CC2D1A: variants seen among roughly 807,000 people sequenced by gnomAD.
The protein encoded by CC2D1A is coiled-coil and C2 domain-containing protein 1A.
CC2D1A carries 68 observed loss-of-function variants against 123.8 expected under a neutral mutation model. The observed-to-expected ratio is 0.55, with a 90% CI of 0.45 to 0.67. CC2D1A has a LOEUF of 0.67. Ranked by LOEUF, CC2D1A falls within the 30% of genes least tolerant of loss-of-function variation. CC2D1A has a pLI of 0.00. For synonymous variants in CC2D1A, 477 were observed against 528.0 expected (o/e 0.90, Z 1.32); for missense variants, 1,185 against 1,290.3 (o/e 0.92, Z 1.25).
At position 13,906,792 on chromosome 19, in the gene CC2D1A, A is replaced by G. The variant is rs1164927482; in HGVS notation, c.60+291A>G. ...ATCAAACCCTTGCATCAGTCGGGCC[A>G]TGTCAGACTCTTTTTATTCCATTGT... is the stretch of plus-strand genomic sequence containing the variant. On this transcript the variant is annotated intron_variant, in intron 1 of 28. Coordinates refer to ENST00000318003, the MANE Select transcript of CC2D1A (RefSeq NM_017721.5). This position sits in a 1 kb window ranked among gnomAD's most constrained non-coding sequence, Gnocchi z 4.1. 1.3e-5 allele frequency among the ~76,000 whole-genome samples: 2 copies of G among 152,228 alleles called. No homozygotes were observed. Among genetic ancestry groups the G allele is most frequent in the African/African-American group, 4.8e-5 (2 of 41,450 alleles).
intron 24 of CC2D1A, among the ~76,000 whole-genome samples, chr19:13,928,583 C>T (rs923277038): frequency 1.3e-5 from 2 of 151,928 alleles, no homozygotes; most frequent in African/African-American, 4.8e-5. Context: ...AGGAAGCCCT[C>T]CCTGACCACT....
In CC2D1A at chr19:13,930,004, TGGGCACAGTCCAGGA is replaced by T; in HGVS notation, c.2711-70_2711-56del. 1 of 1,461,664 alleles carries T rather than the reference TGGGCACAGTCCAGGA, an allele frequency of 6.8e-7. No individual in the cohort carries two copies. Among genetic ancestry groups the T allele is most frequent in the East Asian group, 2.5e-5 (1 of 39,280 alleles). 90.5% of individuals were successfully genotyped at this position (1,461,664 alleles called of 1,614,324 possible). A position where few individuals can be genotyped will look rare whatever the true frequency, so the allele number is the denominator to read the frequency against. On this transcript the variant is annotated intron_variant, in intron 26 of 28. Transcript: ENST00000318003. The surrounding 1 kb of genome is among the most constrained non-coding windows in gnomAD (Gnocchi z 6.8). ...ACCTGGCGGGGGACGGGCTTGGGGATGGGCACAGTCCAGGAGGGTTGTGGGCAGTGAGGCCCCACC... is the reference window on the plus strand; with the variant it reads ...ACCTGGCGGGGGACGGGCTTGGGGATGGGTTGTGGGCAGTGAGGCCCCACC...
chr19:13,929,718 GGGA>G, intron 26 of CC2D1A, 58 bp downstream of exon 26: 1 of 1,225,172 alleles, frequency 8.2e-7, no homozygotes. Flanking sequence ...GGCATGGGGG[GGGA>G]GGTGCTCAGG....
In CC2D1A at chr19:13,914,641, C is replaced by CT. The variant is rs747859570; in HGVS notation, c.748+1017dup. ...GAGCCACCACGCCAGGCCTCATCGC[C>CT]TTTTTTTTTTTTTTGAAACAGAGTC... On this transcript the variant is annotated intron_variant, in intron 6 of 28. Transcript: ENST00000318003. 1.7e-3 allele frequency among the ~76,000 whole-genome samples: 219 copies of CT among 131,550 alleles called. 1 individual carries two copies. The highest frequency in any genetic ancestry group is 5.4e-3 in the Middle Eastern group (1 of 184). The allele number at this position is 131,550 out of a possible 152,430, so 86.3% of individuals were successfully genotyped here.
intron 12 of CC2D1A, 108 bp from the exon 13 acceptor site, chr19:13,920,449 G>T (rs946103027): frequency 3.5e-5 from 26 of 735,462 alleles, no homozygotes; most frequent in Middle Eastern, 2.6e-4. Flanking sequence ...GCAAAGTCCT[G>T]GGAGCCCACT....
chr19:13,907,480 T>G (rs1038147407), intron 1 of CC2D1A, among the ~76,000 whole-genome samples: 7 of 151,802 alleles, frequency 4.6e-5, no homozygotes, highest in African/African-American at 1.7e-4. Context: ...CCCAGCACTT[T>G]GGGAGGCCAT....
chr19:13,927,207 C>A lies in CC2D1A; in HGVS notation c.2258C>A (p.Thr753Lys). Residue 753 changes from threonine to lysine, a missense_variant, in exon 22 of 29, where the codon ACA becomes AAA. Thr to Lys is a moderately conservative substitution (Grantham distance 78, BLOSUM62 -1). Coordinates refer to ENST00000318003, the MANE Select transcript of CC2D1A (RefSeq NM_017721.5). ...GLFKTDRVLGTAQLKLDALEI... is the reference protein window; with the variant it reads ...GLFKTDRVLGKAQLKLDALEI... The stretch of plus-strand genomic sequence containing the variant: ...TTCAAGACTGACCGGGTGCTGGGGA[C>A]AGCCCAGCTGAAGCTGGATGCACTG... The A allele has an allele frequency of 6.2e-7, 1 of 1,614,100 alleles. No individual in the cohort carries two copies. The highest frequency in any genetic ancestry group is 8.5e-7 in the Non-Finnish European group (1 of 1,180,004).
chr19:13,915,371 G>A (rs186213388), intron 6 of CC2D1A, among the ~76,000 whole-genome samples: 3,034 of 152,186 alleles, frequency 0.02, 40 homozygotes, highest in Non-Finnish European at 0.032. Context: ...TCAGCTTCTC[G>A]AGTAGCTGGG....
At position 13,930,557 on chromosome 19, in the gene CC2D1A, C is replaced by G; in HGVS notation, c.*162C>G. The G allele has an allele frequency of 1.3e-6, 1 of 788,474 alleles. No individual in the cohort carries two copies. Among genetic ancestry groups the G allele is most frequent in the South Asian group, 1.8e-5 (1 of 54,540 alleles). 48.8% of individuals were successfully genotyped at this position (788,474 alleles called of 1,614,324 possible). Reference sequence around the variant, plus strand: ...AGCCCCGCCAGAGCCTCCGTGGCTGCGGGTGTTGGGAACCATGCCTGCCAG... The same window carrying G: ...AGCCCCGCCAGAGCCTCCGTGGCTGGGGGTGTTGGGAACCATGCCTGCCAG... On this transcript the variant is annotated 3_prime_UTR_variant, in exon 29 of 29. Coordinates refer to ENST00000318003, the MANE Select transcript of CC2D1A (RefSeq NM_017721.5). The surrounding 1 kb of genome is among the most constrained non-coding windows in gnomAD (Gnocchi z 6.8).
rs1437636300 is a variant in CC2D1A at position 13,930,679 on chromosome 19, AG to A, written c.*287del. 4.0e-6 allele frequency: 2 copies of A among 498,384 alleles called. No homozygotes were observed. The highest frequency in any genetic ancestry group is 7.0e-6 in the Non-Finnish European group (2 of 283,854). The allele number at this position is 498,384 out of a possible 1,614,324, so 30.9% of individuals were successfully genotyped here. A position where few individuals can be genotyped will look rare whatever the true frequency, so the allele number is the denominator to read the frequency against. On this transcript the variant is annotated 3_prime_UTR_variant, in exon 29 of 29. Coordinates refer to ENST00000318003, the MANE Select transcript of CC2D1A (RefSeq NM_017721.5). This position sits in a 1 kb window ranked among gnomAD's most constrained non-coding sequence, Gnocchi z 6.8. ...GCCTCTGGCCCGCCCCGGAGCAGGGAGGGTGGCTGGGGCCAAGCCCCGAGGG... is the reference window on the plus strand; with the variant it reads ...GCCTCTGGCCCGCCCCGGAGCAGGGAGGTGGCTGGGGCCAAGCCCCGAGGG...
Position 13,923,892 on chromosome 19 carries a change from C to A in CC2D1A, c.1940+81C>A. On this transcript the variant is annotated intron_variant, in intron 17 of 28. Coordinates refer to ENST00000318003, the MANE Select transcript of CC2D1A (RefSeq NM_017721.5). The surrounding 1 kb of genome is among the most constrained non-coding windows in gnomAD (Gnocchi z 5.3). ...TGGGGCGGGTTGTGCTCCCCAGAAG[C>A]TGGCACAAGATTTACATCTGGAAGA... The A allele has an allele frequency of 9.6e-7, 1 of 1,037,814 alleles. No individual in the cohort carries two copies. The highest frequency in any genetic ancestry group is 1.5e-6 in the Non-Finnish European group (1 of 673,148). The allele number at this position is 1,037,814 out of a possible 1,614,324, so 64.3% of individuals were successfully genotyped here.
rs1403852351 is a variant in CC2D1A, at chr19:13,930,230, C to T, written c.2788-12C>T. The T allele has an allele frequency of 1.2e-6, 2 of 1,613,912 alleles. No individual in the cohort carries two copies. The highest frequency in any genetic ancestry group is 1.7e-5 in the Admixed American group (1 of 60,012). On this transcript the variant is annotated splice_polypyrimidine_tract_variant and intron_variant, in intron 27 of 28. Transcript: ENST00000318003. The surrounding 1 kb of genome is among the most constrained non-coding windows in gnomAD (Gnocchi z 6.8). ...CTGCAGGGACTACCTGCTGAATGCC[C>T]ATCCCCCACAGGATGCTGCAAAGGA...
chr19:13,913,115 A>G, intron 4 of CC2D1A, 53 bp from the exon 5 acceptor site: 3 of 1,514,562 alleles, frequency 2.0e-6, no homozygotes, highest in East Asian at 2.4e-5. Context: ...AGGGGCTAAC[A>G]GGGGCATCCC....
At chr19:13,922,932 C>G (rs549295863) in intron 14 of CC2D1A, among the ~76,000 whole-genome samples, 1 of 152,306 alleles carries the variant, frequency 6.6e-6, no homozygotes, top group Non-Finnish European at 1.5e-5. Context: ...GTCTTTCATG[C>G]CTGTAATCCT....
chr19:13,927,916 A>C lies in CC2D1A; in HGVS notation c.2340A>C (p.Thr780=). Residue 780 remains threonine, a synonymous_variant, in exon 23 of 29, where the codon ACA becomes ACC. Transcript: ENST00000318003. ...AGGTCCTGGATGGTCGCCGGCCCAC[A>C]GGGGGGCGACTGGAGGTAATGGTCC... ...ILEVLDGRRP[T]GGRLEVMVRI... The C allele has an allele frequency of 6.2e-7, 1 of 1,613,272 alleles. No individual in the cohort carries two copies.
chr19:13,920,167 C>T, intron 12 of CC2D1A: 1 of 533,356 alleles, frequency 1.9e-6, no homozygotes, highest in Non-Finnish European at 3.3e-6. Context: ...GGGAGGATCA[C>T]CTGAACTAAG....
At chr19:13,909,437 T>G (rs888952125) in intron 1 of CC2D1A, among the ~76,000 whole-genome samples, 9 of 151,986 alleles carry the variant, frequency 5.9e-5, no homozygotes, top group Non-Finnish European at 8.8e-5. Flanking sequence ...CTCACTGTAT[T>G]GCCCAGGCTG....
intron 14 of CC2D1A, among the ~76,000 whole-genome samples, chr19:13,921,302 C>G (rs1208124315): frequency 1.3e-5 from 2 of 152,112 alleles, no homozygotes; most frequent in African/African-American, 2.4e-5. Flanking sequence ...TTGGCCAGAA[C>G]TAAGTAACAT....
rs1970735598 is a variant in CC2D1A at position 13,906,483 on chromosome 19, CGCCGCG to C, written c.48_53del (p.Ala17_Ala18del). 3 of 1,501,018 alleles carry C rather than the reference CGCCGCG, an allele frequency of 2.0e-6. No individual in the cohort carries two copies. Among genetic ancestry groups the C allele is most frequent in the Non-Finnish European group, 2.7e-6 (3 of 1,128,244 alleles). The allele number at this position is 1,501,018 out of a possible 1,614,324, so 93.0% of individuals were successfully genotyped here. A position where few individuals can be genotyped will look rare whatever the true frequency, so the allele number is the denominator to read the frequency against. On this transcript the variant is annotated inframe_deletion, in exon 1 of 29. Transcript: ENST00000318003. This position sits in a 1 kb window ranked among gnomAD's most constrained non-coding sequence, Gnocchi z 4.1. Reference sequence around the variant, plus strand: ...GACCCCCGGGACCCCCGGGCAGAGGCGCCGCGGCCGCCCGCCAGGTGAGTTTGCGCC... The same window carrying C: ...GACCCCCGGGACCCCCGGGCAGAGGCGCCGCCCGCCAGGTGAGTTTGCGCC...
Sources: gnomAD v4.1 joint callset for allele counts (sites outside exome capture counted in the v4.1 genomes callset) on GRCh38, gnomAD v4.1.1 for gene constraint, Gnocchi (gnomAD v3.1) non-coding constraint, MANE v1.5 for transcripts, NCBI Gene and HGNC (gene_info 2026-07-23, HGNC 2026-07-21) for gene names.